Variants in KPNA3 observed in about 807,000 individuals in gnomAD.
KPNA3 encodes the protein importin subunit alpha-4.
KPNA3 carries 13 observed loss-of-function variants against 73.8 expected under a neutral mutation model. The observed-to-expected ratio is 0.18, with a 90% CI of 0.11 to 0.28. The LOEUF (loss-of-function observed/expected upper bound fraction) is 0.28. Ranked by LOEUF, KPNA3 falls within the 10% of genes least tolerant of loss-of-function variation. KPNA3 has a pLI of 1.00. For synonymous variants in KPNA3, 186 were observed against 206.9 expected, an observed-to-expected ratio of 0.90 and a Z score of 0.87; for missense variants, 360 against 618.1, an observed-to-expected ratio of 0.58 and a Z score of 4.43.
chr13:49,736,187 A>C (rs1022207575), intron 2 of KPNA3, among the ~76,000 whole-genome samples: 8 of 152,138 alleles, frequency 5.3e-5, no homozygotes, highest in Non-Finnish European at 1.0e-4. Context: ...GGTTGCATCT[A>C]AATGCTTTTA....
At chr13:49,735,304 T>C (rs1954512054) in intron 2 of KPNA3, among the ~76,000 whole-genome samples, 1 of 152,148 alleles carries the variant, frequency 6.6e-6, no homozygotes, top group Admixed American at 6.5e-5. Context: ...GTATTTTTAG[T>C]AGAGACGGGG....
chr13:49,734,899 TTA>T (rs10675447), intron 2 of KPNA3, among the ~76,000 whole-genome samples: 16 of 143,632 alleles, frequency 1.1e-4, no homozygotes, highest in East Asian at 2.0e-4. Flanking sequence ...AATTTTGACT[TTA>T]TATATATATA....
At position 49,701,198 on chromosome 13, in the gene KPNA3, GT is replaced by G. The variant is rs34283770; in HGVS notation, c.*601del. 0.12 allele frequency: 17,228 copies of G among 146,722 alleles called. 1,128 individuals are homozygous for G. The highest frequency in any genetic ancestry group is 0.24 in the South Asian group (1,358 of 5,762). 9.1% of individuals were successfully genotyped at this position (146,722 alleles called of 1,614,324 possible). A position where few individuals can be genotyped will look rare whatever the true frequency, so the allele number is the denominator to read the frequency against. On this transcript the variant is annotated 3_prime_UTR_variant, in exon 17 of 17. Coordinates refer to ENST00000261667, the MANE Select transcript of KPNA3 (RefSeq NM_002267.4). Reference sequence around the variant, plus strand: ...ACATCAATTACTGGTAGATGAAGTAGTTTTTTTTTTTTTTTAAACTTATCTG... The same window carrying G: ...ACATCAATTACTGGTAGATGAAGTAGTTTTTTTTTTTTTTAAACTTATCTG...
chr13:49,729,328 C>G (rs1277631789), intron 6 of KPNA3, among the ~76,000 whole-genome samples: 1 of 151,822 alleles, frequency 6.6e-6, no homozygotes, highest in African/African-American at 2.4e-5. Flanking sequence ...AGTTATTAAG[C>G]TGGTTAGGTG....
At chr13:49,712,053 T>C (rs974322868) in intron 10 of KPNA3, among the ~76,000 whole-genome samples, 1 of 152,142 alleles carries the variant, frequency 6.6e-6, no homozygotes, top group African/African-American at 2.4e-5. Context: ...ACCAGCCCAT[T>C]TCCCACTCTG....
intron 1 of KPNA3, among the ~76,000 whole-genome samples, chr13:49,770,614 G>C (rs1045050064): frequency 6.6e-6 from 1 of 151,982 alleles, no homozygotes; most frequent in Non-Finnish European, 1.5e-5. Flanking sequence ...AGGTTACAAA[G>C]ATCTACACAG....
At chr13:49,782,909 A>T (rs1452017159) in intron 1 of KPNA3, among the ~76,000 whole-genome samples, 1 of 152,070 alleles carries the variant, frequency 6.6e-6, no homozygotes. Context: ...CTGTTTCCCA[A>T]GTCACTAGAA....
intron 1 of KPNA3, among the ~76,000 whole-genome samples, chr13:49,789,212 C>G (rs1955011342): frequency 6.6e-6 from 1 of 152,206 alleles, no homozygotes; most frequent in Non-Finnish European, 1.5e-5. Context: ...GATATTCTTG[C>G]ATCAACACAG....
chr13:49,722,900 A>G (rs932107941), intron 7 of KPNA3, among the ~76,000 whole-genome samples: 1 of 151,440 alleles, frequency 6.6e-6, no homozygotes, highest in Non-Finnish European at 1.5e-5. Context: ...GCTTTAGTCT[A>G]CAAAATCTCA....
chr13:49,782,127 C>T (rs1954945926), intron 1 of KPNA3, among the ~76,000 whole-genome samples: 1 of 152,170 alleles, frequency 6.6e-6, no homozygotes, highest in African/African-American at 2.4e-5. Context: ...TAATCAGAGG[C>T]AGGAGCACCT....
chr13:49,710,833 T>A (rs188742097), intron 11 of KPNA3, 58 bp downstream of exon 11: 2 of 1,468,616 alleles, frequency 1.4e-6, no homozygotes, highest in Non-Finnish European at 9.4e-7. Flanking sequence ...GCTGTACAAG[T>A]TAACTGGTTA....
intron 1 of KPNA3, among the ~76,000 whole-genome samples, chr13:49,754,348 T>A (rs1954692349): frequency 6.6e-6 from 1 of 151,970 alleles, no homozygotes; most frequent in African/African-American, 2.4e-5. Context: ...ATTGCCTTAT[T>A]AACTATTAAC....
In KPNA3 at chr13:49,791,694, G is replaced by A. The variant is rs551411782; in HGVS notation, c.69+744C>T. Among the ~76,000 whole-genome samples the A allele has an allele frequency of 1.4e-4, 21 of 149,566 alleles. No individual in the cohort carries two copies. In the South Asian group the frequency reaches 4.4e-3, roughly 32 times the overall value. On this transcript the variant is annotated intron_variant, in intron 1 of 16. Transcript: ENST00000261667. The stretch of plus-strand genomic sequence containing the variant: ...TAAGAAAACAAGTCCTATGAGCGGA[G>A]GTCGGAGCAACCTCTTTTCCGAAGC...
At chr13:49,749,983 C>T (rs752435552) in intron 1 of KPNA3, among the ~76,000 whole-genome samples, 38 of 152,162 alleles carry the variant, frequency 2.5e-4, no homozygotes, top group Non-Finnish European at 4.0e-4. Context: ...GTGATCTCAT[C>T]TACCCTCATG....
intron 10 of KPNA3, among the ~76,000 whole-genome samples, chr13:49,716,191 T>C (rs900527119): frequency 6.6e-6 from 1 of 152,124 alleles, no homozygotes; most frequent in African/African-American, 2.4e-5. Context: ...GAGGTCCCAG[T>C]ATGTTGCCTA....
At chr13:49,706,689 A>G (rs1252877471) in intron 12 of KPNA3, among the ~76,000 whole-genome samples, 1 of 152,196 alleles carries the variant, frequency 6.6e-6, no homozygotes, top group Admixed American at 6.5e-5. Context: ...TGGAGCTTAC[A>G]TGTCTGTGCA....
intron 1 of KPNA3, among the ~76,000 whole-genome samples, chr13:49,767,922 C>A (rs889568432): frequency 6.6e-6 from 1 of 152,158 alleles, no homozygotes; most frequent in African/African-American, 2.4e-5. Context: ...TGAGTACCAA[C>A]AACAAACCTA....
At chr13:49,754,768 T>C (rs955632130) in intron 1 of KPNA3, among the ~76,000 whole-genome samples, 15 of 151,808 alleles carry the variant, frequency 9.9e-5, no homozygotes, top group African/African-American at 3.6e-4. Flanking sequence ...ACACACAAAT[T>C]TGACAATTTA....
chr13:49,727,959 G>T (rs911764660), intron 6 of KPNA3, among the ~76,000 whole-genome samples: 3 of 152,118 alleles, frequency 2.0e-5, no homozygotes, highest in Non-Finnish European at 4.4e-5. Flanking sequence ...AAGTCGGCCG[G>T]GCATGGTGGC....
Sources: allele counts gnomAD v4.1 joint callset (sites outside exome capture counted in the v4.1 genomes callset), GRCh38; gene constraint gnomAD v4.1.1; transcripts MANE v1.5; gene names NCBI Gene and HGNC (gene_info 2026-07-23, HGNC 2026-07-21).